The following PCDH9 variants were observed in gnomAD, a reference collection of about 807,000 sequenced individuals.
The protein encoded by PCDH9 is protocadherin-9.
In PCDH9, 24 loss-of-function variants were observed where a neutral mutation model predicts 70.6. The ratio of observed to expected loss-of-function variants is 0.34; its 90% CI spans 0.25 to 0.48. PCDH9 has a LOEUF of 0.48. PCDH9 is among the 20% of genes least tolerant of loss of function. The probability of loss-of-function intolerance (pLI) is 0.99; values close to 1 mark genes in which losing one functional copy is unlikely to be tolerated. For synonymous variants in PCDH9, 562 were observed against 558.5 expected (o/e 1.01, Z -0.09); for missense variants, 1,281 against 1,503.6 (o/e 0.85, Z 2.45).
chr13:66,887,226 C>T (rs1285180476), intron 3 of PCDH9, among the ~76,000 whole-genome samples: 1 of 151,926 alleles, frequency 6.6e-6, no homozygotes, highest in Non-Finnish European at 1.5e-5. Flanking sequence ...GGCAGTCTCC[C>T]AATAAAGCTG....
intron 4 of PCDH9, among the ~76,000 whole-genome samples, chr13:66,499,485 A>C (rs1959165891): frequency 6.6e-6 from 1 of 152,212 alleles, no homozygotes; most frequent in Non-Finnish European, 1.5e-5. Context: ...GAGATGGTTA[A>C]AAATCATGAT....
chr13:66,593,386 C>T (rs1044438695), intron 4 of PCDH9, among the ~76,000 whole-genome samples: 1 of 151,668 alleles, frequency 6.6e-6, no homozygotes, highest in Non-Finnish European at 1.5e-5. Flanking sequence ...TCAGGAAAAG[C>T]AGATATGGAA....
intron 2 of PCDH9, among the ~76,000 whole-genome samples, chr13:67,144,123 A>T (rs2087463969): frequency 6.6e-6 from 1 of 152,182 alleles, no homozygotes; most frequent in Non-Finnish European, 1.5e-5. Flanking sequence ...GGAAATGCAA[A>T]TAGGACTATC....
intron 4 of PCDH9, among the ~76,000 whole-genome samples, chr13:66,371,272 A>G (rs1449558335): frequency 1.3e-5 from 2 of 152,114 alleles, no homozygotes; most frequent in Non-Finnish European, 2.9e-5. Context: ...CAACATGGGA[A>G]AAGTGAGGGA....
chr13:67,191,363 A>T (rs1422481855), intron 2 of PCDH9, among the ~76,000 whole-genome samples: 1 of 152,168 alleles, frequency 6.6e-6, no homozygotes, highest in African/African-American at 2.4e-5. Flanking sequence ...AGGTACTAAC[A>T]TATTATTGGC....
chr13:66,561,353 G>A (rs925682337), intron 4 of PCDH9, among the ~76,000 whole-genome samples: 12 of 152,226 alleles, frequency 7.9e-5, no homozygotes, highest in Admixed American at 3.3e-4. Context: ...GAGGAGTGCC[G>A]CCCCTTGCTC....
At chr13:66,512,495 G>A (rs9529076) in intron 4 of PCDH9, among the ~76,000 whole-genome samples, 78,814 of 151,672 alleles carry the variant, frequency 0.52, 21,720 homozygotes, top group East Asian at 0.66. Flanking sequence ...TTCAAAGGAG[G>A]GAAATGAAGA....
At chr13:66,624,555 C>G (rs772537107) in intron 4 of PCDH9, among the ~76,000 whole-genome samples, 22 of 152,120 alleles carry the variant, frequency 1.4e-4, no homozygotes, top group Admixed American at 2.0e-4. Flanking sequence ...CTCTTGGGCA[C>G]CCTACAGGCA....
intron 2 of PCDH9, chr13:67,214,935 G>GAT (rs66460017): frequency 0.027 from 2,418 of 88,962 alleles, 316 homozygotes; most frequent in African/African-American, 0.064. Context: ...TTGCGAGCCA[G>GAT]ATATATATAT....
chr13:66,876,870 A>G (rs1453113460), intron 3 of PCDH9: 1 of 152,134 alleles, frequency 6.6e-6, no homozygotes, highest in Non-Finnish European at 1.5e-5. Context: ...AATATTGTCC[A>G]GGAAATCAGA....
chr13:67,188,918 T>C (rs2088833435), intron 2 of PCDH9, among the ~76,000 whole-genome samples: 1 of 152,008 alleles, frequency 6.6e-6, no homozygotes, highest in Non-Finnish European at 1.5e-5. Context: ...TGATTTGTAG[T>C]CTTTTATCCC....
chr13:67,034,672 CTTT>C (rs35194684), intron 2 of PCDH9, among the ~76,000 whole-genome samples: 2 of 143,844 alleles, frequency 1.4e-5, no homozygotes, highest in Admixed American at 1.4e-4. Flanking sequence ...CCATTTCTTT[CTTT>C]TTTTTTTTTT....
At chr13:66,474,869 T>C (rs1224868920) in intron 4 of PCDH9, among the ~76,000 whole-genome samples, 1 of 152,082 alleles carries the variant, frequency 6.6e-6, no homozygotes, top group Non-Finnish European at 1.5e-5. Context: ...TTAGTACTAA[T>C]GAATTCTGAG....
At chr13:66,755,275 A>G (rs553656030) in intron 3 of PCDH9, among the ~76,000 whole-genome samples, 5 of 152,186 alleles carry the variant, frequency 3.3e-5, no homozygotes, top group Non-Finnish European at 1.5e-5. Context: ...GGATACTGGC[A>G]TGTGTGGATA....
intron 2 of PCDH9, among the ~76,000 whole-genome samples, chr13:67,020,872 A>G (rs1479390820): frequency 2.0e-5 from 3 of 152,186 alleles, no homozygotes; most frequent in Non-Finnish European, 4.4e-5. Context: ...CAGTATTTTG[A>G]GCCCACAAAT....
intron 4 of PCDH9, among the ~76,000 whole-genome samples, chr13:66,439,742 T>C (rs1957940159): frequency 6.6e-6 from 1 of 152,184 alleles, no homozygotes; most frequent in African/African-American, 2.4e-5. Context: ...TCACGGTATG[T>C]ATAAATTACA....
At chr13:66,708,382 T>G (rs2139123784) in intron 3 of PCDH9, among the ~76,000 whole-genome samples, 1 of 150,044 alleles carries the variant, frequency 6.7e-6, no homozygotes, top group Admixed American at 6.7e-5. Flanking sequence ...TCTTAAACTT[T>G]CAAGTGTACT....
chr13:67,097,297 T>C (rs1242888638), intron 2 of PCDH9, among the ~76,000 whole-genome samples: 4 of 151,986 alleles, frequency 2.6e-5, no homozygotes, highest in African/African-American at 7.2e-5. Flanking sequence ...AATTTAAAAA[T>C]ATAAATGTAA....
chr13:66,365,569 A>G (rs757320446), intron 4 of PCDH9, among the ~76,000 whole-genome samples: 3 of 152,194 alleles, frequency 2.0e-5, no homozygotes, highest in Non-Finnish European at 4.4e-5. Context: ...AATGATAATC[A>G]GGTATATTTA....
Sources: gnomAD v4.1 joint callset for allele counts (sites outside exome capture counted in the v4.1 genomes callset) on GRCh38, gnomAD v4.1.1 for gene constraint, MANE v1.5 for transcripts, NCBI Gene and HGNC (gene_info 2026-07-23, HGNC 2026-07-21) for gene names.